The following ERG variants were observed in gnomAD, a reference collection of about 807,000 sequenced individuals.
ERG encodes transcriptional regulator ERG.
Under a neutral mutation model 55.3 loss-of-function variants are expected in ERG, and 9 were observed. The observed-to-expected ratio is 0.16, with a 90% CI of 0.10 to 0.28. ERG has a LOEUF of 0.28. Among genes scored for constraint, ERG ranks in the 10% least tolerant of loss-of-function variants. The probability of loss-of-function intolerance (pLI) is 1.00; values close to 1 mark genes in which losing one functional copy is unlikely to be tolerated. For missense variants in ERG, 434 were observed against 631.6 expected, an observed-to-expected ratio of 0.69 and a Z score of 3.35; for synonymous variants, 223 against 237.3, an observed-to-expected ratio of 0.94 and a Z score of 0.55.
chr21:38,400,783 G>A, intron 5 of ERG, 138 bp from the exon 6 acceptor site: 1 of 622,546 alleles, frequency 1.6e-6, no homozygotes, highest in South Asian at 2.0e-5. Flanking sequence ...GAGCTCCGGA[G>A]AAACAGACAG....
At chr21:38,639,019 A>G (rs556694344) in intron 1 of ERG, among the ~76,000 whole-genome samples, 109 of 152,248 alleles carry the variant, frequency 7.2e-4, no homozygotes, top group African/African-American at 2.3e-3. Flanking sequence ...CCCTGCAGCC[A>G]GGCTCTAACA....
chr21:38,507,534 GTGAA>G lies in ERG; in HGVS notation c.-41+68124_-41+68127del, dbSNP rs111369699. Among the ~76,000 whole-genome samples, 380 of 150,280 alleles carry G rather than the reference GTGAA, an allele frequency of 2.5e-3. 1 individual carries two copies. The highest frequency in any genetic ancestry group is 0.015 in the East Asian group (75 of 5,038). ...CCCTCAACAAGCACTTACTGAATGA[GTGAA>G]TGAATGAATGAATGAATGAATGAAG... On this transcript the variant is annotated intron_variant, in intron 2 of 8. Coordinates refer to the ERG transcript ENST00000398897.
At chr21:38,622,317 C>T (rs1431463970) in intron 1 of ERG, among the ~76,000 whole-genome samples, 1 of 152,058 alleles carries the variant, frequency 6.6e-6, no homozygotes, top group Non-Finnish European at 1.5e-5. Context: ...AGGGCTCTGC[C>T]GCGCCGAGGG....
At chr21:38,430,136 C>T (rs531639940) in intron 2 of ERG, among the ~76,000 whole-genome samples, 2 of 152,112 alleles carry the variant, frequency 1.3e-5, no homozygotes, top group East Asian at 3.9e-4. Context: ...TGGTATCACC[C>T]TGTGGTCTTG....
chr21:38,411,393 C>A (rs1006550170), intron 3 of ERG, among the ~76,000 whole-genome samples: 2 of 152,186 alleles, frequency 1.3e-5, no homozygotes, highest in African/African-American at 4.8e-5. Flanking sequence ...TCTGGGCTCA[C>A]TGCAACCTCT....
chr21:38,656,278 C>A (rs1322416022), intron 1 of ERG, among the ~76,000 whole-genome samples: 3 of 152,072 alleles, frequency 2.0e-5, no homozygotes, highest in African/African-American at 7.2e-5. Context: ...TCAAGGGCTG[C>A]CTGGATTTCA....
intron 1 of ERG, among the ~76,000 whole-genome samples, chr21:38,612,027 TC>T (rs2060230443): frequency 6.6e-6 from 1 of 152,196 alleles, no homozygotes; most frequent in African/African-American, 2.4e-5. Context: ...ATCATTTTTC[TC>T]AAGTCAGTTA....
chr21:38,508,531 T>C (rs955137542), intron 2 of ERG, among the ~76,000 whole-genome samples: 1 of 152,190 alleles, frequency 6.6e-6, no homozygotes, highest in African/African-American at 2.4e-5. Flanking sequence ...AAATAAGAGC[T>C]CCCATTTGTA....
intron 3 of ERG, among the ~76,000 whole-genome samples, chr21:38,414,067 G>GT (rs1285324794): frequency 1.3e-5 from 2 of 152,156 alleles, no homozygotes; most frequent in Non-Finnish European, 2.9e-5. Context: ...TGAAATCAAG[G>GT]TATCAGCAAG....
At chr21:38,406,790 G>A (rs546485966) in intron 3 of ERG, among the ~76,000 whole-genome samples, 5 of 152,202 alleles carry the variant, frequency 3.3e-5, no homozygotes, top group South Asian at 4.2e-4. Context: ...CACTAGGTTC[G>A]TGTTAAAATG....
intron 2 of ERG, among the ~76,000 whole-genome samples, chr21:38,506,806 G>A (rs2059464533): frequency 6.6e-6 from 1 of 152,088 alleles, no homozygotes; most frequent in East Asian, 1.9e-4. Flanking sequence ...GTGTGGGTAA[G>A]GCTCTGACCG....
At chr21:38,598,925 G>A (rs1178203103) in intron 1 of ERG, among the ~76,000 whole-genome samples, 1 of 152,202 alleles carries the variant, frequency 6.6e-6, no homozygotes, top group African/African-American at 2.4e-5. Context: ...TTCAGAGGCT[G>A]TGCAGCACCT....
At chr21:38,625,132 G>A (rs999904338) in intron 1 of ERG, among the ~76,000 whole-genome samples, 3 of 151,988 alleles carry the variant, frequency 2.0e-5, no homozygotes, top group Admixed American at 6.6e-5. Context: ...AGCAGAAATA[G>A]ACTCTATCCA....
chr21:38,417,147 A>G (rs1475887425), intron 3 of ERG, among the ~76,000 whole-genome samples: 1 of 152,216 alleles, frequency 6.6e-6, no homozygotes, highest in Non-Finnish European at 1.5e-5. Flanking sequence ...GATTAAGAGT[A>G]ATGGGAACTC....
intron 2 of ERG, among the ~76,000 whole-genome samples, chr21:38,536,586 T>C (rs2836487): frequency 0.42 from 63,241 of 151,914 alleles, 13,620 homozygotes; most frequent in African/African-American, 0.52. Context: ...CAGACCATGG[T>C]TTTGAATGTG....
chr21:38,432,860 G>A (rs908862291), intron 2 of ERG, among the ~76,000 whole-genome samples: 4 of 152,138 alleles, frequency 2.6e-5, no homozygotes, highest in Non-Finnish European at 5.9e-5. Flanking sequence ...AAATCCGTGT[G>A]AGGAGTCTTT....
chr21:38,512,050 A>G (rs2059516049), intron 2 of ERG, among the ~76,000 whole-genome samples: 1 of 152,228 alleles, frequency 6.6e-6, no homozygotes, highest in African/African-American at 2.4e-5. Flanking sequence ...AATGGAAGGT[A>G]TATTGTCAGA....
chr21:38,414,533 A>G (rs1310928046), intron 3 of ERG, among the ~76,000 whole-genome samples: 3 of 152,226 alleles, frequency 2.0e-5, no homozygotes, highest in Admixed American at 2.0e-4. Flanking sequence ...TATCCCAGGT[A>G]CTGTTTAAGC....
At chr21:38,500,135 A>C (rs1253294076), upstream of ERG, among the ~76,000 whole-genome samples, 1 of 152,176 alleles carries the variant, frequency 6.6e-6, no homozygotes, top group Non-Finnish European at 1.5e-5. Context: ...AGCTTCCCTG[A>C]GTGTCCTTGC....
Sources: gnomAD v4.1 joint callset for allele counts (sites outside exome capture counted in the v4.1 genomes callset) on GRCh38, gnomAD v4.1.1 for gene constraint, MANE v1.5 for transcripts, NCBI Gene and HGNC (gene_info 2026-07-23, HGNC 2026-07-21) for gene names.